ABI2: variants seen among roughly 807,000 people sequenced by gnomAD.
ABI2 encodes abl interactor 2.
In ABI2, 25 loss-of-function variants were observed where a neutral mutation model predicts 59.2. The ratio of observed to expected loss-of-function variants is 0.42; its 90% CI spans 0.31 to 0.59. ABI2 has a LOEUF of 0.59. Among genes scored for constraint, ABI2 ranks in the 20% least tolerant of loss-of-function variants. The pLI is 0.14. For missense variants in ABI2, 545 were observed against 681.8 expected (o/e 0.80, Z 2.23); for synonymous variants, 213 against 235.5 (o/e 0.90, Z 0.87).
chr2:203,373,303 A>T (rs1486562056), intron 2 of ABI2, among the ~76,000 whole-genome samples: 1 of 152,206 alleles, frequency 6.6e-6, no homozygotes. Context: ...TCCACCAAAA[A>T]AGTACGAAAA....
Position 203,429,601 on chromosome 2 carries a change from A to G in ABI2, c.*2249A>G, listed in dbSNP as rs1011336026. 4 of 152,110 alleles carry G rather than the reference A, an allele frequency of 2.6e-5. No homozygotes were observed. Among genetic ancestry groups the G allele is most frequent in the Non-Finnish European group, 4.4e-5 (3 of 68,040 alleles). The allele number at this position is 152,110 out of a possible 1,614,324, so 9.4% of individuals were successfully genotyped here. A position where few individuals can be genotyped will look rare whatever the true frequency, so the allele number is the denominator to read the frequency against. On this transcript the variant is annotated 3_prime_UTR_variant, in exon 12 of 12. Transcript: ENST00000261018. The stretch of plus-strand genomic sequence containing the variant: ...GTGAAACCCCATCTCTACTAAAAAC[A>G]CAAAAATTAGCTGGGCGTGGTGGCG...
chr2:203,428,596 A>G lies in ABI2; in HGVS notation c.*1244A>G, dbSNP rs2098459077. On this transcript the variant is annotated 3_prime_UTR_variant, in exon 12 of 12. Transcript: ENST00000261018. ...TCTAATCACATTGATAAAAATTAAT[A>G]TAACTGACACAATAAAACACATTTC... The G allele has an allele frequency of 6.6e-6, 1 of 152,616 alleles. No individual in the cohort carries two copies. The highest frequency in any genetic ancestry group is 1.5e-5 in the Non-Finnish European group (1 of 68,042). 9.5% of individuals were successfully genotyped at this position (152,616 alleles called of 1,614,324 possible). A position where few individuals can be genotyped will look rare whatever the true frequency, so the allele number is the denominator to read the frequency against.
rs894471556 is a variant in ABI2, at chr2:203,427,117, T to A, written c.1454-60T>A. 6 of 1,491,256 alleles carry A rather than the reference T, an allele frequency of 4.0e-6. 1 individual carries two copies. The Admixed American group carries it at 1.0e-4, about 26-fold the overall frequency. 92.4% of individuals were successfully genotyped at this position (1,491,256 alleles called of 1,614,324 possible). Reference sequence around the variant, plus strand: ...AACAGATAGCTATTCACTGGCTTGGTTCTGTCTTTCTAGGAATATTACTGT... The same window carrying A: ...AACAGATAGCTATTCACTGGCTTGGATCTGTCTTTCTAGGAATATTACTGT... On this transcript the variant is annotated intron_variant, in intron 11 of 11. Transcript: ENST00000261018.
chr2:203,387,127 T>C (rs1044004675), intron 4 of ABI2, among the ~76,000 whole-genome samples: 5 of 145,952 alleles, frequency 3.4e-5, no homozygotes, highest in Non-Finnish European at 6.0e-5. Context: ...GAGATTAATA[T>C]ATAAGGTGTA....
intron 4 of ABI2, among the ~76,000 whole-genome samples, chr2:203,386,101 A>AG (rs1341589295): frequency 6.6e-6 from 1 of 152,106 alleles, no homozygotes; most frequent in Non-Finnish European, 1.5e-5. Flanking sequence ...CATCCTCTGA[A>AG]GAGAGGGATA....
chr2:203,362,938 C>G (rs1324517210), intron 1 of ABI2, among the ~76,000 whole-genome samples: 2 of 152,174 alleles, frequency 1.3e-5, no homozygotes, highest in Non-Finnish European at 2.9e-5. Flanking sequence ...TCAAGTGATT[C>G]TCCTGCCTCA....
intron 4 of ABI2, among the ~76,000 whole-genome samples, chr2:203,383,041 A>G (rs1293805635): frequency 2.0e-5 from 3 of 152,242 alleles, no homozygotes; most frequent in African/African-American, 7.2e-5. Context: ...TACTACAATT[A>G]TATACAAAAC....
chr2:203,353,815 C>CA (rs1275778508), intron 1 of ABI2, among the ~76,000 whole-genome samples: 23 of 152,048 alleles, frequency 1.5e-4, no homozygotes, highest in South Asian at 1.0e-3. Context: ...ACTTTAAACT[C>CA]TTATCTGTTT....
intron 9 of ABI2, among the ~76,000 whole-genome samples, chr2:203,408,924 C>T (rs2469965): frequency 0.079 from 10,962 of 138,154 alleles, 678 homozygotes; most frequent in African/African-American, 0.17. Context: ...CTGCAAGCTC[C>T]GCTTCCCGGG....
At position 203,328,633 on chromosome 2, in the gene ABI2, T is replaced by C. The variant is rs112745301; in HGVS notation, c.117+2T>C. On this transcript the variant is annotated splice_donor_variant, in intron 1 of 11. Transcript: ENST00000261018. LOFTEE classifies it high-confidence loss of function. The stretch of plus-strand genomic sequence containing the variant: ...TACTGCGAGAACAACTACATACAGG[T>C]GCGAAGCATCCCCAGCTGGGCCGCG... 6.4e-7 allele frequency: 1 copy of C among 1,567,790 alleles called. No homozygotes were observed. Among genetic ancestry groups the C allele is most frequent in the Non-Finnish European group, 8.6e-7 (1 of 1,158,216 alleles).
chr2:203,389,617 G>A (rs2096662483), intron 4 of ABI2, among the ~76,000 whole-genome samples: 1 of 152,174 alleles, frequency 6.6e-6, no homozygotes, highest in Non-Finnish European at 1.5e-5. Context: ...TATTTAGAAA[G>A]TATAATTTGA....
rs1226602756 is a variant in ABI2 at position 203,430,864 on chromosome 2, TTC to T, written c.*3516_*3517del. 6.6e-6 allele frequency: 1 copy of T among 152,250 alleles called. No individual in the cohort carries two copies. Among genetic ancestry groups the T allele is most frequent in the East Asian group, 1.9e-4 (1 of 5,202 alleles). 9.4% of individuals were successfully genotyped at this position (152,250 alleles called of 1,614,324 possible). ...TTATGTTGAAGATAACTAAAGATTT[TTC>T]TCTTTGGGAGGCATCAAAATGATGG... On this transcript the variant is annotated 3_prime_UTR_variant, in exon 12 of 12. Transcript: ENST00000261018.
chr2:203,336,573 A>G (rs1448049850), intron 1 of ABI2, among the ~76,000 whole-genome samples: 13 of 152,184 alleles, frequency 8.5e-5, no homozygotes, highest in Admixed American at 8.5e-4. Context: ...GTACCCTTTT[A>G]GGTAGTAGCT....
chr2:203,361,540 CA>C, intron 1 of ABI2, among the ~76,000 whole-genome samples: 1 of 151,966 alleles, frequency 6.6e-6, no homozygotes, highest in African/African-American at 2.4e-5. Context: ...CAGTTTGCTG[CA>C]CTGAATTTTC....
At chr2:203,367,195 G>T in intron 2 of ABI2, 151 bp downstream of exon 2, 1 of 1,085,588 alleles carries the variant, frequency 9.2e-7, no homozygotes, top group Non-Finnish European at 1.2e-6. Context: ...TTTAGATTCT[G>T]TCTTTTTGTG....
intron 11 of ABI2, among the ~76,000 whole-genome samples, chr2:203,425,132 A>T (rs2153603493): frequency 6.6e-6 from 1 of 151,482 alleles, no homozygotes; most frequent in South Asian, 2.1e-4. Context: ...ATGTAGATAG[A>T]GCTTACTAAC....
intron 1 of ABI2, among the ~76,000 whole-genome samples, chr2:203,330,694 A>G (rs1311303154): frequency 6.6e-6 from 1 of 152,214 alleles, no homozygotes; most frequent in East Asian, 1.9e-4. Flanking sequence ...GTTGCAGGTC[A>G]GAAGAGAAAC....
chr2:203,376,083 C>T (rs1024089492), intron 2 of ABI2: 30 of 1,534,348 alleles, frequency 2.0e-5, no homozygotes, highest in South Asian at 3.6e-5. Flanking sequence ...GATCTTGAGT[C>T]GACTTTTGTG....
chr2:203,404,072 A>G (rs1159036705), intron 9 of ABI2, among the ~76,000 whole-genome samples: 1 of 151,878 alleles, frequency 6.6e-6, no homozygotes, highest in Non-Finnish European at 1.5e-5. Flanking sequence ...TGTTCTTTCT[A>G]TTGTCCTACC....
Sources: allele counts gnomAD v4.1 joint callset (sites outside exome capture counted in the v4.1 genomes callset), GRCh38; gene constraint gnomAD v4.1.1; transcripts MANE v1.5; gene names NCBI Gene and HGNC (gene_info 2026-07-23, HGNC 2026-07-21).